The following CFAP70 variants were observed in gnomAD, a reference collection of about 807,000 sequenced individuals.
The protein encoded by CFAP70 is cilia and flagella associated protein 70.
A neutral mutation model predicts 137.6 loss-of-function variants in CFAP70; 81 were observed. The observed-to-expected ratio is 0.59, with a 90% confidence interval of 0.49 to 0.71. The LOEUF is 0.71. Ranked by LOEUF, CFAP70 falls within the 30% of genes least tolerant of loss-of-function variation. CFAP70 has a pLI of 0.00. For missense variants in CFAP70, 976 were observed against 1,226.7 expected (o/e 0.80, Z 3.05); for synonymous variants, 382 against 423.6 (o/e 0.90, Z 1.20).
intron 19 of CFAP70, among the ~76,000 whole-genome samples, chr10:73,282,420 A>T (rs2047328158): frequency 6.6e-6 from 1 of 152,122 alleles, no homozygotes; most frequent in Admixed American, 6.5e-5. Flanking sequence ...GGCGGGCCAC[A>T]CCAAACCATG....
At chr10:73,280,894 A>G (rs1161507592) in intron 19 of CFAP70, among the ~76,000 whole-genome samples, 2 of 151,852 alleles carry the variant, frequency 1.3e-5, no homozygotes, top group Non-Finnish European at 2.9e-5. Flanking sequence ...TCTGTTTTCT[A>G]TTTCACTGAT....
At chr10:73,269,713 C>T (rs1347819976) in exon 25 of CFAP70, 10 of 1,606,682 alleles carry the variant, frequency 6.2e-6, no homozygotes, top group South Asian at 1.1e-5. Flanking sequence ...TGAGCTCCTC[C>T]AGCTTGACAG....
chr10:73,351,060 T>G (rs1208251628), intron 3 of CFAP70, among the ~76,000 whole-genome samples: 1 of 56,752 alleles, frequency 1.8e-5, no homozygotes, highest in Non-Finnish European at 2.9e-5. Flanking sequence ...TGTGTGTGTG[T>G]GTGTGTGTGT....
chr10:73,343,553 C>T (rs2053458340), intron 5 of CFAP70, among the ~76,000 whole-genome samples: 1 of 151,978 alleles, frequency 6.6e-6, no homozygotes, highest in Non-Finnish European at 1.5e-5. Context: ...TACTAAAATA[C>T]AAAAAATTAG....
At chr10:73,261,485 G>C (rs1313398368) in intron 25 of CFAP70, among the ~76,000 whole-genome samples, 1 of 152,136 alleles carries the variant, frequency 6.6e-6, no homozygotes, top group Non-Finnish European at 1.5e-5. Context: ...GTGGATGGTA[G>C]CAGGCAAAAA....
intron 25 of CFAP70, among the ~76,000 whole-genome samples, chr10:73,264,652 C>T (rs1056796729): frequency 3.3e-5 from 5 of 152,158 alleles, no homozygotes; most frequent in African/African-American, 1.2e-4. Flanking sequence ...TAAAACTATA[C>T]TCTAAAATGT....
chr10:73,307,798 A>G (rs1210769269), intron 12 of CFAP70, among the ~76,000 whole-genome samples: 1 of 152,138 alleles, frequency 6.6e-6, no homozygotes, highest in African/African-American at 2.4e-5. Context: ...AGAGACTTCA[A>G]TACTCTACTT....
At chr10:73,357,093 AG>A (rs1342181200) in intron 1 of CFAP70, among the ~76,000 whole-genome samples, 6 of 152,154 alleles carry the variant, frequency 3.9e-5, no homozygotes, top group Admixed American at 1.3e-4. Flanking sequence ...AGGGAGGAAA[AG>A]GGGGGTGGAA....
intron 9 of CFAP70, among the ~76,000 whole-genome samples, chr10:73,314,687 A>G (rs2050192191): frequency 6.6e-6 from 1 of 152,124 alleles, no homozygotes. Context: ...AGCTCACTGC[A>G]ACCTCTACCT....
intron 8 of CFAP70, among the ~76,000 whole-genome samples, chr10:73,329,618 G>A (rs2051858383): frequency 6.6e-6 from 1 of 152,062 alleles, no homozygotes; most frequent in Non-Finnish European, 1.5e-5. Flanking sequence ...ATTTCACCAT[G>A]CGGCTTCTTA....
intron 15 of CFAP70, chr10:73,295,098 G>C (rs904801212): frequency 6.5e-6 from 1 of 152,780 alleles, no homozygotes. Context: ...CTGGTGGATC[G>C]CTTGAGTCCA....
intron 1 of CFAP70, 38 bp from the exon 2 acceptor site, chr10:73,354,873 C>T: frequency 8.3e-7 from 1 of 1,211,374 alleles, no homozygotes; most frequent in East Asian, 2.4e-5. Flanking sequence ...CCTCATGTAC[C>T]ACAGCTGCAC....
intron 8 of CFAP70, 54 bp downstream of exon 9, chr10:73,331,123 G>T: frequency 8.0e-7 from 1 of 1,250,942 alleles, no homozygotes; most frequent in Middle Eastern, 1.9e-4. Flanking sequence ...AGAATAACAG[G>T]TCGGGTCTGA....
intron 25 of CFAP70, among the ~76,000 whole-genome samples, chr10:73,266,752 A>G (rs1295375793): frequency 1.3e-5 from 2 of 152,114 alleles, no homozygotes; most frequent in Non-Finnish European, 2.9e-5. Flanking sequence ...TTTGCTGCTA[A>G]TATTATTTGT....
intron 19 of CFAP70, among the ~76,000 whole-genome samples, chr10:73,280,370 A>G (rs915579399): frequency 2.6e-5 from 4 of 152,152 alleles, no homozygotes; most frequent in African/African-American, 7.2e-5. Flanking sequence ...TATGAAAGTT[A>G]TTTGTATGTA....
chr10:73,310,213 T>C, exon 12 of CFAP70: 1 of 1,613,144 alleles, frequency 6.2e-7, no homozygotes, highest in Non-Finnish European at 8.5e-7. Flanking sequence ...TCCAGCTGAA[T>C]TTCCAACACA....
intron 6 of CFAP70, among the ~76,000 whole-genome samples, chr10:73,336,296 CTG>C (rs1214331889): frequency 6.6e-6 from 1 of 152,102 alleles, no homozygotes; most frequent in Non-Finnish European, 1.5e-5. Context: ...ACAATCTAAA[CTG>C]AAACATAAAA....
chr10:73,295,361 AAGGAAGGGAGGAAGGG>A (rs929317808), intron 15 of CFAP70: 10 of 125,840 alleles, frequency 7.9e-5, no homozygotes, highest in African/African-American at 1.1e-4. Flanking sequence ...TGAAGGAAGG[AAGGAAGGGAGGAAGGG>A]AGGAAGGGAG....
chr10:73,310,262 T>C lies in CFAP70; in HGVS notation c.1165-13A>G, dbSNP rs1302785215. ...CTTCTACATATTGCTGTAAAGACAT[T>C]GTTTTCTTATTATTTCCAGAAAAAA... is the stretch of plus-strand genomic sequence containing the variant. On this transcript the variant is annotated splice_polypyrimidine_tract_variant and intron_variant, in intron 11 of 26. Coordinates refer to ENST00000310715, the Ensembl canonical transcript of CFAP70. The C allele has an allele frequency of 4.5e-6, 7 of 1,563,318 alleles. No individual in the cohort carries two copies. The highest frequency in any genetic ancestry group is 6.1e-6 in the Non-Finnish European group (7 of 1,148,278).
Sources: gnomAD v4.1 joint callset for allele counts (sites outside exome capture counted in the v4.1 genomes callset) on GRCh38, gnomAD v4.1.1 for gene constraint, MANE v1.5 for transcripts, NCBI Gene and HGNC (gene_info 2026-07-23, HGNC 2026-07-21) for gene names.